Variants in HS6ST2 observed in about 807,000 individuals in gnomAD.
HS6ST2 encodes heparan-sulfate 6-O-sulfotransferase 2.
HS6ST2 carries 17 observed loss-of-function variants against 33.0 expected under a neutral mutation model. The observed-to-expected ratio is 0.52, with a 90% confidence interval of 0.35 to 0.77. The LOEUF is 0.77. Ranked by LOEUF, HS6ST2 falls within the 30% of genes least tolerant of loss-of-function variation. HS6ST2 has a pLI of 0.01. For missense variants in HS6ST2, 519 were observed against 551.7 expected (o/e 0.94, Z 0.59); for synonymous variants, 248 against 237.1 (o/e 1.05, Z -0.42).
intron 4 of HS6ST2, among the ~76,000 whole-genome samples, chrX:132,647,723 A>G (rs2063657513): frequency 8.9e-6 from 1 of 112,627 alleles, no homozygotes; most frequent in African/African-American, 3.2e-5. Context: ...ACCATGGGAC[A>G]GGAGGAGAGT....
At chrX:132,769,478 G>A (rs994852768) in intron 2 of HS6ST2, among the ~76,000 whole-genome samples, 1 of 111,997 alleles carries the variant, frequency 8.9e-6, no homozygotes, top group African/African-American at 3.2e-5. Context: ...AAGCAGCTCA[G>A]GGGGAAAAGT....
intron 2 of HS6ST2, among the ~76,000 whole-genome samples, chrX:132,839,936 G>A (rs2065693192): frequency 1.8e-5 from 2 of 110,295 alleles, no homozygotes; most frequent in African/African-American, 6.6e-5. Context: ...GGCCAACATG[G>A]TGAAACCCCA....
chrX:132,839,241 C>T (rs1349144481), intron 2 of HS6ST2, among the ~76,000 whole-genome samples: 1 of 96,826 alleles, frequency 1.0e-5, no homozygotes, highest in Non-Finnish European at 2.0e-5. Flanking sequence ...TGCCCATCAA[C>T]GGATGACTGC....
chrX:132,751,762 G>A (rs762668487), intron 2 of HS6ST2, among the ~76,000 whole-genome samples: 2 of 112,416 alleles, frequency 1.8e-5, no homozygotes, highest in South Asian at 3.7e-4. Context: ...TAACCAGCAC[G>A]AAGGACACAC....
chrX:132,895,044 AC>A (rs1444604847), intron 2 of HS6ST2, among the ~76,000 whole-genome samples: 3 of 110,820 alleles, frequency 2.7e-5, no homozygotes, highest in African/African-American at 9.8e-5. Flanking sequence ...CAAAACTAAA[AC>A]CTCTTCTTTC....
At chrX:132,818,596 C>T (rs1011271646) in intron 2 of HS6ST2, among the ~76,000 whole-genome samples, 1 of 111,862 alleles carries the variant, frequency 8.9e-6, no homozygotes, top group African/African-American at 3.3e-5. Context: ...TCACCTACAA[C>T]TAAAATCTGT....
At chrX:132,739,818 A>G (rs920357743) in intron 2 of HS6ST2, among the ~76,000 whole-genome samples, 66 of 111,765 alleles carry the variant, frequency 5.9e-4, no homozygotes, top group Admixed American at 3.2e-3. Context: ...TTTTCCTAAA[A>G]CCTTAAATCC....
At chrX:132,788,378 A>C (rs1009237146) in intron 2 of HS6ST2, among the ~76,000 whole-genome samples, 1 of 111,678 alleles carries the variant, frequency 9.0e-6, no homozygotes. Flanking sequence ...CACCCAAATA[A>C]ACTGGTGAAC....
intron 3 of HS6ST2, among the ~76,000 whole-genome samples, chrX:132,689,887 C>CTT (rs11415697): frequency 4.8e-5 from 5 of 105,117 alleles, no homozygotes; most frequent in African/African-American, 1.0e-4. Context: ...ATTTTTTTCG[C>CTT]TTTTTTTTTT....
chrX:132,687,756 G>GT (rs551914681), intron 3 of HS6ST2, among the ~76,000 whole-genome samples: 1,325 of 102,681 alleles, frequency 0.013, 12 homozygotes, highest in South Asian at 0.048. Flanking sequence ...GTCAACATTT[G>GT]TTTTTTTTTT....
At chrX:132,654,253 T>C (rs894347283) in intron 4 of HS6ST2, among the ~76,000 whole-genome samples, 2 of 111,375 alleles carry the variant, frequency 1.8e-5, no homozygotes, top group Non-Finnish European at 3.8e-5. Context: ...CCTCCAAAAC[T>C]CAATGAGATA....
intron 2 of HS6ST2, among the ~76,000 whole-genome samples, chrX:132,913,557 G>A (rs778121295): frequency 1.2e-4 from 14 of 112,430 alleles, no homozygotes; most frequent in Non-Finnish European, 2.4e-4. Flanking sequence ...GGATCCTGTG[G>A]CAAGTGTGGG....
At chrX:132,926,319 G>A (rs1216590891) in intron 2 of HS6ST2, among the ~76,000 whole-genome samples, 5 of 112,452 alleles carry the variant, frequency 4.4e-5, no homozygotes, top group Non-Finnish European at 5.6e-5. Flanking sequence ...GCAATGGGAA[G>A]GAATGGGCAT....
At chrX:132,794,496 C>T (rs779399015) in intron 2 of HS6ST2, among the ~76,000 whole-genome samples, 4 of 110,171 alleles carry the variant, frequency 3.6e-5, no homozygotes, top group South Asian at 4.0e-4. Context: ...CAGGCTCAAG[C>T]GATCCTCTCA....
intron 2 of HS6ST2, among the ~76,000 whole-genome samples, chrX:132,730,757 C>T (rs938766534): frequency 4.5e-5 from 5 of 112,266 alleles, no homozygotes; most frequent in African/African-American, 1.3e-4. Context: ...CCCTGTGCCA[C>T]CAGAATACAG....
At chrX:132,894,628 T>G (rs1440124449) in intron 2 of HS6ST2, among the ~76,000 whole-genome samples, 1 of 109,583 alleles carries the variant, frequency 9.1e-6, no homozygotes, top group Non-Finnish European at 1.9e-5. Flanking sequence ...CCTCTGCCTC[T>G]GGGGTTCAAG....
chrX:132,720,682 T>C (rs1305041371), intron 2 of HS6ST2, among the ~76,000 whole-genome samples: 1 of 108,638 alleles, frequency 9.2e-6, no homozygotes, highest in African/African-American at 3.4e-5. Flanking sequence ...AAGAAACACA[T>C]TGCACTTATA....
At chrX:132,890,858 C>G (rs758508857) in intron 2 of HS6ST2, among the ~76,000 whole-genome samples, 27 of 111,197 alleles carry the variant, frequency 2.4e-4, no homozygotes, top group Non-Finnish European at 4.0e-4. Flanking sequence ...TGACAATCAT[C>G]TGGAAAGTTA....
At chrX:132,735,080 G>A (rs1396714023) in intron 2 of HS6ST2, 15 of 112,148 alleles carry the variant, frequency 1.3e-4, no homozygotes, top group Admixed American at 1.2e-3. Flanking sequence ...CAGTTTCATT[G>A]TCATTTCAAT....
Sources: gnomAD v4.1 joint callset for allele counts (sites outside exome capture counted in the v4.1 genomes callset) on GRCh38, gnomAD v4.1.1 for gene constraint, MANE v1.5 for transcripts, NCBI Gene and HGNC (gene_info 2026-07-23, HGNC 2026-07-21) for gene names.